TTC28: variants seen among roughly 807,000 people sequenced by gnomAD.
TTC28 encodes tetratricopeptide repeat protein 28.
TTC28 carries 61 observed loss-of-function variants against 198.0 expected under a neutral mutation model. That is an observed-to-expected ratio of 0.31 (90% CI 0.25 to 0.38). The LOEUF is 0.38. Ranked by LOEUF, TTC28 falls within the 10% of genes least tolerant of loss-of-function variation. The pLI, the probability that TTC28 is intolerant of heterozygous loss-of-function variation, is 1.00. For missense variants in TTC28, 2,678 were observed against 3,164.0 expected, an observed-to-expected ratio of 0.85 and a Z score of 3.69; for synonymous variants, 1,171 against 1,297.8, an observed-to-expected ratio of 0.90 and a Z score of 2.10.
At chr22:27,998,432 C>T (rs1222335438) in intron 16 of TTC28, 108 bp downstream of exon 16, 4 of 1,442,640 alleles carry the variant, frequency 2.8e-6, no homozygotes, top group Middle Eastern at 2.5e-4. Context: ...CTGTGGCTGG[C>T]CTTGCCCTGC....
intron 5 of TTC28, among the ~76,000 whole-genome samples, chr22:28,173,749 G>C (rs182775564): frequency 6.5e-4 from 99 of 152,244 alleles, no homozygotes; most frequent in South Asian, 1.2e-3. Flanking sequence ...GAGAAATAAA[G>C]TTTAAACTAC....
At chr22:28,415,786 T>G (rs2047159377) in intron 2 of TTC28, among the ~76,000 whole-genome samples, 1 of 152,226 alleles carries the variant, frequency 6.6e-6, no homozygotes. Context: ...ATAAAAAGCT[T>G]ATGCTACTAC....
chr22:28,374,594 G>C (rs134522), intron 2 of TTC28, among the ~76,000 whole-genome samples: 66,038 of 151,972 alleles, frequency 0.43, 14,792 homozygotes, highest in East Asian at 0.6. Context: ...TGAGTTCATT[G>C]CTTCTCTTCT....
rs146969538 is a variant in TTC28, at chr22:28,649,119, T to C, written c.103-19289A>G. ...TTCCAGAGTTAGGGAATGGAAAACG[T>C]AATCCCACATGTTCTCACTTATAAA... On this transcript the variant is annotated intron_variant, in intron 1 of 22. Coordinates refer to ENST00000397906, the MANE Select transcript of TTC28 (RefSeq NM_001145418.2). 9.2e-5 allele frequency among the ~76,000 whole-genome samples: 14 copies of C among 152,302 alleles called. No homozygotes were observed. The East Asian group carries it at 2.5e-3, about 27-fold the overall frequency.
At chr22:27,992,416 C>T (rs1356885960) in intron 19 of TTC28, 171 bp downstream of exon 19, 3 of 681,754 alleles carry the variant, frequency 4.4e-6, no homozygotes, top group Non-Finnish European at 7.3e-6. Context: ...AGGTAAACAG[C>T]ACTTGCCAGG....
chr22:28,165,115 A>G (rs113413109), intron 5 of TTC28, among the ~76,000 whole-genome samples: 1 of 152,212 alleles, frequency 6.6e-6, no homozygotes, highest in Non-Finnish European at 1.5e-5. Flanking sequence ...AAGTGAGAAG[A>G]GAAGTTTAGA....
intron 5 of TTC28, among the ~76,000 whole-genome samples, chr22:28,253,587 A>G (rs1930677870): frequency 1.3e-5 from 2 of 152,202 alleles, no homozygotes; most frequent in Non-Finnish European, 2.9e-5. Flanking sequence ...TCCAATATAT[A>G]CTTGTTAAAT....
intron 5 of TTC28, among the ~76,000 whole-genome samples, chr22:28,197,986 A>G (rs1925542934): frequency 6.6e-6 from 1 of 152,140 alleles, no homozygotes; most frequent in Non-Finnish European, 1.5e-5. Context: ...TGCAAAAAAG[A>G]TTTTAAAAAT....
At chr22:28,291,789 AC>A (rs2044792426) in intron 5 of TTC28, among the ~76,000 whole-genome samples, 1 of 152,188 alleles carries the variant, frequency 6.6e-6, no homozygotes, top group African/African-American at 2.4e-5. Flanking sequence ...TTTTGAAACA[AC>A]CTAAATATAT....
intron 3 of TTC28, among the ~76,000 whole-genome samples, chr22:28,303,110 G>C (rs182500893): frequency 6.6e-6 from 1 of 152,182 alleles, no homozygotes; most frequent in South Asian, 2.1e-4. Context: ...AACAGGAAGA[G>C]AGACAATATA....
intron 2 of TTC28, among the ~76,000 whole-genome samples, chr22:28,558,532 G>C (rs369698264): frequency 6.6e-6 from 1 of 152,072 alleles, no homozygotes; most frequent in Admixed American, 6.5e-5. Flanking sequence ...AATATTAGCC[G>C]GGCATGGTGG....
chr22:28,474,172 G>A (rs540149456), intron 2 of TTC28, among the ~76,000 whole-genome samples: 1 of 152,260 alleles, frequency 6.6e-6, no homozygotes, highest in South Asian at 2.1e-4. Context: ...AAAAGATCAG[G>A]AGAAGAGGCA....
intron 8 of TTC28, among the ~76,000 whole-genome samples, chr22:28,101,777 T>G (rs1942159947): frequency 1.0e-5 from 1 of 95,898 alleles, no homozygotes; most frequent in Non-Finnish European, 1.9e-5. Flanking sequence ...GAGACCCATC[T>G]CTGTTAAAAA....
intron 5 of TTC28, among the ~76,000 whole-genome samples, chr22:28,172,624 G>T (rs899351977): frequency 3.3e-5 from 5 of 152,208 alleles, no homozygotes; most frequent in Non-Finnish European, 7.3e-5. Flanking sequence ...CCCCTCTGGG[G>T]TGTGGGAGAA....
At chr22:28,232,339 T>C (rs1008066218) in intron 5 of TTC28, among the ~76,000 whole-genome samples, 5 of 152,138 alleles carry the variant, frequency 3.3e-5, no homozygotes, top group African/African-American at 9.7e-5. Context: ...TAAGAGTGAA[T>C]CTAAAGCCAA....
intron 6 of TTC28, among the ~76,000 whole-genome samples, chr22:28,146,992 T>C (rs1319884344): frequency 6.6e-6 from 1 of 152,188 alleles, no homozygotes; most frequent in East Asian, 1.9e-4. Flanking sequence ...AACTCTTCAG[T>C]AGGATGGCAT....
At chr22:28,634,577 CCTTTT>C (rs995307724) in intron 1 of TTC28, among the ~76,000 whole-genome samples, 2 of 147,696 alleles carry the variant, frequency 1.4e-5, no homozygotes, top group African/African-American at 5.0e-5. Flanking sequence ...CTTCCCAAGT[CCTTTT>C]CTTTTTTTTC....
intron 5 of TTC28, among the ~76,000 whole-genome samples, chr22:28,277,062 A>G (rs2044486581): frequency 6.6e-6 from 1 of 152,190 alleles, no homozygotes; most frequent in Non-Finnish European, 1.5e-5. Context: ...GTGAAGTGTT[A>G]TCAGAGACTA....
intron 1 of TTC28, among the ~76,000 whole-genome samples, chr22:28,679,084 A>C (rs1272652595): frequency 6.6e-6 from 1 of 152,174 alleles, no homozygotes; most frequent in African/African-American, 2.4e-5. Context: ...TAGTGGCCCA[A>C]ACACAGCACG....
Sources: allele counts gnomAD v4.1 joint callset (sites outside exome capture counted in the v4.1 genomes callset), GRCh38; gene constraint gnomAD v4.1.1; transcripts MANE v1.5; gene names NCBI Gene and HGNC (gene_info 2026-07-23, HGNC 2026-07-21).